The following PPM1B variants were observed in gnomAD, a reference collection of about 807,000 sequenced individuals.
The protein encoded by PPM1B is protein phosphatase 1B.
A neutral mutation model predicts 43.0 loss-of-function variants in PPM1B; 22 were observed. The observed-to-expected ratio is 0.51, with a 90% confidence interval of 0.37 to 0.73. The LOEUF (loss-of-function observed/expected upper bound fraction) is 0.73. Among genes scored for constraint, PPM1B ranks in the 30% least tolerant of loss-of-function variants. The probability of loss-of-function intolerance (pLI) is 0.00; values close to 1 mark genes in which losing one functional copy is unlikely to be tolerated. For missense variants in PPM1B, 632 were observed against 584.2 expected, an observed-to-expected ratio of 1.08 and a Z score of -0.84; for synonymous variants, 217 against 197.9, an observed-to-expected ratio of 1.10 and a Z score of -0.81.
At chr2:44,244,189 T>C (rs1274465638) in intron 5 of PPM1B, 5 of 501,746 alleles carry the variant, frequency 1.0e-5, no homozygotes, top group East Asian at 3.0e-4. Context: ...AAAAAAACCA[T>C]ATATATATAT....
chr2:44,228,529 A>G (rs994966600), intron 5 of PPM1B, among the ~76,000 whole-genome samples: 1 of 152,144 alleles, frequency 6.6e-6, no homozygotes, highest in Non-Finnish European at 1.5e-5. Flanking sequence ...CTAATAAAAC[A>G]TTGCCATTTA....
At chr2:44,171,760 G>C (rs1364042723) in intron 1 of PPM1B, among the ~76,000 whole-genome samples, 1 of 151,120 alleles carries the variant, frequency 6.6e-6, no homozygotes, top group Non-Finnish European at 1.5e-5. Flanking sequence ...GACTCACGAG[G>C]TGGAGGTTGC....
chr2:44,207,766 A>G (rs1459370980), intron 2 of PPM1B, among the ~76,000 whole-genome samples: 1 of 151,926 alleles, frequency 6.6e-6, no homozygotes, highest in Non-Finnish European at 1.5e-5. Context: ...TGTTTTTTGA[A>G]GAGACAAGGT....
chr2:44,239,939 A>T (rs7606078), intron 5 of PPM1B, among the ~76,000 whole-genome samples: 56,182 of 137,624 alleles, frequency 0.41, 14,367 homozygotes, highest in African/African-American at 0.65. Flanking sequence ...CACATCATTT[A>T]GATTACTATA....
At chr2:44,233,600 T>C (rs191293736), downstream of PPM1B, 2 of 985,828 alleles carry the variant, frequency 2.0e-6, no homozygotes, top group African/African-American at 3.5e-5. Context: ...TAAATTGTGT[T>C]TCAGCAGGAT....
rs1669148944 is a variant in PPM1B, at chr2:44,205,514, G to T, written c.846+3469G>T. 2.0e-5 allele frequency among the ~76,000 whole-genome samples: 3 copies of T among 152,024 alleles called. No homozygotes were observed. The South Asian group carries it at 6.2e-4, about 32-fold the overall frequency. ...TTCCCCTTGATGTTTCTGCTTTCCAGTCTCATCTCACTTAGGGAACCACTG... is the reference window on the plus strand; with the variant it reads ...TTCCCCTTGATGTTTCTGCTTTCCATTCTCATCTCACTTAGGGAACCACTG... On this transcript the variant is annotated intron_variant, in intron 2 of 5. Coordinates refer to ENST00000282412, the MANE Select transcript of PPM1B (RefSeq NM_002706.6).
intron 1 of PPM1B, among the ~76,000 whole-genome samples, chr2:44,186,048 C>T (rs1422947743): frequency 6.6e-6 from 1 of 151,852 alleles, no homozygotes; most frequent in East Asian, 1.9e-4. Context: ...TTTTGCTTCT[C>T]ATTCAAGCAG....
intron 1 of PPM1B, among the ~76,000 whole-genome samples, chr2:44,192,370 C>T (rs1668449340): frequency 6.6e-6 from 1 of 151,956 alleles, no homozygotes; most frequent in Non-Finnish European, 1.5e-5. Context: ...GCCCACAAAC[C>T]ATGCCCGGCT....
Position 44,189,086 on chromosome 2 carries a change from G to C in PPM1B, c.-14-12100G>C, listed in dbSNP as rs558916627. ...GAGGTTTCACCATATTGCCCAGGCT[G>C]GTCTTGAACTCCTGGGCTCAAGTAG... On this transcript the variant is annotated intron_variant, in intron 1 of 5. Coordinates refer to ENST00000282412, the MANE Select transcript of PPM1B (RefSeq NM_002706.6). Among the ~76,000 whole-genome samples the C allele has an allele frequency of 3.9e-3, 592 of 152,072 alleles. 3 individuals are homozygous for C. The highest frequency in any genetic ancestry group is 6.5e-3 in the Admixed American group (100 of 15,280).
intron 1 of PPM1B, among the ~76,000 whole-genome samples, chr2:44,188,750 C>A (rs1668252442): frequency 6.7e-6 from 1 of 148,774 alleles, no homozygotes; most frequent in African/African-American, 2.5e-5. Context: ...TTCCTTCCTT[C>A]CTTCCTTCCT....
At chr2:44,238,986 A>G (rs1670689295), downstream of PPM1B, among the ~76,000 whole-genome samples, 1 of 151,814 alleles carries the variant, frequency 6.6e-6, no homozygotes, top group African/African-American at 2.4e-5. Flanking sequence ...GAGAGGAGGG[A>G]GAGGGAGAGA....
intron 1 of PPM1B, among the ~76,000 whole-genome samples, chr2:44,181,169 C>T (rs1040193184): frequency 1.3e-5 from 2 of 152,104 alleles, no homozygotes; most frequent in African/African-American, 2.4e-5. Context: ...GATTGGTCTC[C>T]GACTCCTGTG....
chr2:44,241,897 C>T (rs1196982963), intron 5 of PPM1B, among the ~76,000 whole-genome samples: 5 of 126,032 alleles, frequency 4.0e-5, no homozygotes, highest in Non-Finnish European at 6.3e-5. Flanking sequence ...CTCGCACTCT[C>T]GTCCAGGCTG....
Position 44,231,156 on chromosome 2 carries a change from T to C in PPM1B, c.*438T>C, listed in dbSNP as rs1377147581. ...ATGTTTTCTTTAATAATTTTAGTTC[T>C]TCAAAGAATGGCTGATGCTGGCCTG... On this transcript the variant is annotated 3_prime_UTR_variant, in exon 6 of 6. Transcript: ENST00000282412. The C allele has an allele frequency of 1.0e-6, 1 of 977,132 alleles. No homozygotes were observed. Among genetic ancestry groups the C allele is most frequent in the Non-Finnish European group, 1.2e-6 (1 of 822,446 alleles). The allele number at this position is 977,132 out of a possible 1,614,324, so 60.5% of individuals were successfully genotyped here.
In PPM1B at chr2:44,182,161, T is replaced by C. The variant is rs560145886; in HGVS notation, c.-15+12887T>C. ...TGGTCAGGAATATTGGTGTTTTGGG[T>C]TCTGAAATGGCTGTATGTTATATCG... On this transcript the variant is annotated intron_variant, in intron 1 of 5. Coordinates refer to ENST00000282412, the MANE Select transcript of PPM1B (RefSeq NM_002706.6). Among the ~76,000 whole-genome samples the C allele has an allele frequency of 3.9e-5, 6 of 152,316 alleles. No individual in the cohort carries two copies. The East Asian group carries it at 1.2e-3, about 29-fold the overall frequency.
downstream of PPM1B, chr2:44,232,602 C>G: frequency 7.8e-7 from 1 of 1,278,108 alleles, no homozygotes; most frequent in Non-Finnish European, 9.9e-7. Flanking sequence ...AACTTTCGGC[C>G]CTAGAAACCA....
intron 5 of PPM1B, among the ~76,000 whole-genome samples, chr2:44,220,705 G>A (rs1669940846): frequency 6.6e-6 from 1 of 152,294 alleles, no homozygotes; most frequent in South Asian, 2.1e-4. Context: ...CGTATAGCTT[G>A]GTAACAAATA....
rs200279903 is a variant in PPM1B, at chr2:44,242,902, C to T, written n.1547-1326C>T. Among the ~76,000 whole-genome samples, 69 of 152,172 alleles carry T rather than the reference C, an allele frequency of 4.5e-4. 1 individual carries two copies. In the East Asian group the frequency reaches 0.012, roughly 26 times the overall value. ...GTCATGGATTATTTTCCTGAGTTCG[C>T]CATTTGCCTTTCAATACTGTAATAC... is the stretch of plus-strand genomic sequence containing the variant. On this transcript the variant is annotated intron_variant and non_coding_transcript_variant, in intron 5 of 5. Transcript: ENST00000378540.
intron 5 of PPM1B, among the ~76,000 whole-genome samples, chr2:44,220,857 A>G (rs1669948150): frequency 1.3e-5 from 2 of 152,256 alleles, no homozygotes; most frequent in African/African-American, 2.4e-5. Context: ...TAGAAATGAC[A>G]TGAGGATGAT....
Sources: allele counts gnomAD v4.1 joint callset (sites outside exome capture counted in the v4.1 genomes callset), GRCh38; gene constraint gnomAD v4.1.1; transcripts MANE v1.5; gene names NCBI Gene and HGNC (gene_info 2026-07-23, HGNC 2026-07-21).